LUZP2: variants seen among roughly 807,000 people sequenced by gnomAD.
The protein encoded by LUZP2 is leucine zipper protein 2.
Under a neutral mutation model 51.6 loss-of-function variants are expected in LUZP2, and 52 were observed. The ratio of observed to expected loss-of-function variants is 1.01; its 90% CI spans 0.81 to 1.27. LUZP2 has a LOEUF of 1.27. Ranked by LOEUF, LUZP2 falls within the 50% of genes most tolerant of loss-of-function variation. LUZP2 has a pLI of 0.00. For missense variants in LUZP2, 436 were observed against 395.4 expected, an observed-to-expected ratio of 1.10 and a Z score of -0.87; for synonymous variants, 154 against 137.3, an observed-to-expected ratio of 1.12 and a Z score of -0.85.
intron 4 of LUZP2, among the ~76,000 whole-genome samples, chr11:24,758,540 T>C (rs10834477): frequency 6.6e-6 from 1 of 151,940 alleles, no homozygotes; most frequent in Non-Finnish European, 1.5e-5. Context: ...TTAACACATA[T>C]TTATAACTTT....
chr11:24,645,842 T>A (rs1026880209), intron 1 of LUZP2, among the ~76,000 whole-genome samples: 8 of 42,036 alleles, frequency 1.9e-4, no homozygotes, highest in Non-Finnish European at 4.3e-4. Flanking sequence ...ATATATTAAG[T>A]GTGTGTGTGT....
At chr11:25,073,251 C>T (rs1264210055) in intron 10 of LUZP2, among the ~76,000 whole-genome samples, 1 of 152,146 alleles carries the variant, frequency 6.6e-6, no homozygotes, top group African/African-American at 2.4e-5. Context: ...ACTATGGTGC[C>T]TAGACAGCTG....
chr11:24,769,522 G>T (rs78990508), intron 5 of LUZP2, among the ~76,000 whole-genome samples: 4 of 151,882 alleles, frequency 2.6e-5, no homozygotes, highest in Non-Finnish European at 5.9e-5. Flanking sequence ...ATTATGTGTC[G>T]ATTAAAACCT....
chr11:24,827,839 C>G (rs1850587712), intron 5 of LUZP2, among the ~76,000 whole-genome samples: 1 of 151,942 alleles, frequency 6.6e-6, no homozygotes, highest in Non-Finnish European at 1.5e-5. Context: ...CTTTAGAAGC[C>G]CAGGCTTCAT....
chr11:25,077,585 C>T (rs1417594435), intron 11 of LUZP2, among the ~76,000 whole-genome samples, 179 bp downstream of exon 11: 1 of 151,618 alleles, frequency 6.6e-6, no homozygotes, highest in Non-Finnish European at 1.5e-5. Context: ...CTGCAAACTC[C>T]ACCTCCAGGG....
intron 5 of LUZP2, among the ~76,000 whole-genome samples, chr11:24,883,176 CG>C (rs149972986): frequency 0.017 from 2,557 of 151,892 alleles, 80 homozygotes; most frequent in African/African-American, 0.057. Context: ...AGTTAGCAAA[CG>C]TTTTTTTAAA....
intron 6 of LUZP2, among the ~76,000 whole-genome samples, chr11:24,913,157 T>C (rs945738518): frequency 6.6e-6 from 1 of 152,178 alleles, no homozygotes; most frequent in South Asian, 2.1e-4. Context: ...CCCTCCAAAA[T>C]GTCTTCTTGC....
At chr11:24,920,558 T>A (rs904672884) in intron 7 of LUZP2, among the ~76,000 whole-genome samples, 18 of 151,950 alleles carry the variant, frequency 1.2e-4, no homozygotes, top group Admixed American at 1.2e-3. Context: ...CATCAACAGA[T>A]GATAAAGAAA....
In LUZP2 at chr11:24,497,229, C is replaced by G; in HGVS notation, c.-15C>G. The G allele has an allele frequency of 6.5e-7, 1 of 1,529,960 alleles. No homozygotes were observed. The highest frequency in any genetic ancestry group is 8.8e-7 in the Non-Finnish European group (1 of 1,134,170). The allele number at this position is 1,529,960 out of a possible 1,614,324, so 94.8% of individuals were successfully genotyped here. ...AGAAGGCAGCGAGGGAAGGAGGACC[C>G]CGGCAGGCAGCAGCATGAAATTCAG... On this transcript the variant is annotated 5_prime_UTR_variant, in exon 1 of 12. Transcript: ENST00000336930.
At chr11:24,876,938 C>T (rs1852289052) in intron 5 of LUZP2, among the ~76,000 whole-genome samples, 1 of 152,148 alleles carries the variant, frequency 6.6e-6, no homozygotes. Context: ...TGGTTCTTAA[C>T]ACCTTCAAGT....
At chr11:25,007,883 T>C (rs1856876770) in intron 9 of LUZP2, among the ~76,000 whole-genome samples, 1 of 152,210 alleles carries the variant, frequency 6.6e-6, no homozygotes, top group Non-Finnish European at 1.5e-5. Flanking sequence ...GTACTAACAT[T>C]GGTCAGAAAT....
chr11:24,920,431 T>C (rs1178636331), intron 7 of LUZP2, among the ~76,000 whole-genome samples: 2 of 151,996 alleles, frequency 1.3e-5, no homozygotes, highest in Admixed American at 1.3e-4. Flanking sequence ...CTCAGCAATC[T>C]CACTGTTGGG....
intron 1 of LUZP2, among the ~76,000 whole-genome samples, chr11:24,639,276 G>T (rs934845868): frequency 6.6e-6 from 1 of 151,464 alleles, no homozygotes; most frequent in African/African-American, 2.4e-5. Context: ...TCTATGATGG[G>T]TCATAGTGAT....
intron 1 of LUZP2, among the ~76,000 whole-genome samples, chr11:24,572,141 C>A (rs758879451): frequency 5.3e-5 from 8 of 151,812 alleles, no homozygotes; most frequent in Admixed American, 3.9e-4. Context: ...TGATGTCAGG[C>A]CATCATGCTT....
intron 1 of LUZP2, among the ~76,000 whole-genome samples, chr11:24,712,247 C>T (rs997008524): frequency 2.6e-5 from 4 of 151,792 alleles, no homozygotes; most frequent in Admixed American, 2.0e-4. Flanking sequence ...ATGGTGAGAC[C>T]CCATCTCTGT....
intron 5 of LUZP2, among the ~76,000 whole-genome samples, chr11:24,897,634 C>A (rs1375254229): frequency 3.3e-5 from 5 of 152,262 alleles, no homozygotes; most frequent in African/African-American, 4.8e-5. Flanking sequence ...TCAGAAGGAA[C>A]AAACTCTGGA....
At chr11:24,832,278 T>C (rs897120744) in intron 5 of LUZP2, among the ~76,000 whole-genome samples, 6 of 148,384 alleles carry the variant, frequency 4.0e-5, no homozygotes, top group Non-Finnish European at 9.1e-5. Flanking sequence ...ACTTGTTCTA[T>C]ATTTATTAAA....
At chr11:24,535,339 G>T (rs1465136114) in intron 1 of LUZP2, among the ~76,000 whole-genome samples, 2 of 151,506 alleles carry the variant, frequency 1.3e-5, no homozygotes, top group Non-Finnish European at 3.0e-5. Flanking sequence ...TGTAACAAAA[G>T]ACTTCTCTTT....
chr11:24,750,503 G>T (rs1859538243), intron 4 of LUZP2, among the ~76,000 whole-genome samples: 1 of 152,232 alleles, frequency 6.6e-6, no homozygotes, highest in African/African-American at 2.4e-5. Flanking sequence ...AACAAATTAA[G>T]AATATAGAAT....
Sources: gnomAD v4.1 joint callset for allele counts (sites outside exome capture counted in the v4.1 genomes callset) on GRCh38, gnomAD v4.1.1 for gene constraint, MANE v1.5 for transcripts, NCBI Gene and HGNC (gene_info 2026-07-23, HGNC 2026-07-21) for gene names.